Variants in SORCS3 observed in about 807,000 individuals in gnomAD.
SORCS3 encodes VPS10 domain-containing receptor SorCS3.
Under a neutral mutation model 146.3 loss-of-function variants are expected in SORCS3, and 57 were observed. The observed-to-expected ratio is 0.39, with a 90% CI of 0.31 to 0.49. The LOEUF is 0.49. Among genes scored for constraint, SORCS3 ranks in the 20% least tolerant of loss-of-function variants. The pLI is 0.92. For synonymous variants in SORCS3, 653 were observed against 618.5 expected (o/e 1.06, Z -0.83); for missense variants, 1,341 against 1,575.5 (o/e 0.85, Z 2.52).
intron 3 of SORCS3, among the ~76,000 whole-genome samples, chr10:104,916,698 G>A (rs1321701377): frequency 2.0e-5 from 3 of 152,044 alleles, no homozygotes; most frequent in Non-Finnish European, 4.4e-5. Context: ...AGAAACGTAG[G>A]CAGACATGAT....
rs2055349348 is a variant in SORCS3 at position 105,043,182 on chromosome 10, G to GT, written c.1028+55dup. The stretch of plus-strand genomic sequence containing the variant: ...CTTAGATAAAGAATTATCAAACAGC[G>GT]TAGCACTCTAGACAGCTCTGGACAG... On this transcript the variant is annotated intron_variant, in intron 5 of 26. Transcript: ENST00000369701. The GT allele has an allele frequency of 1.3e-5, 19 of 1,490,474 alleles. No homozygotes were observed. In the South Asian group the frequency reaches 2.1e-4, roughly 17 times the overall value. The allele number at this position is 1,490,474 out of a possible 1,614,324, so 92.3% of individuals were successfully genotyped here.
chr10:104,980,043 C>A (rs1040953114), intron 4 of SORCS3, among the ~76,000 whole-genome samples: 3 of 152,166 alleles, frequency 2.0e-5, no homozygotes, highest in Non-Finnish European at 4.4e-5. Flanking sequence ...CCTCCATCTC[C>A]ACAGCACTGA....
chr10:104,653,453 C>G (rs1201102626), intron 1 of SORCS3, among the ~76,000 whole-genome samples: 1 of 152,032 alleles, frequency 6.6e-6, no homozygotes, highest in African/African-American at 2.4e-5. Context: ...GGATCCCATT[C>G]CTCTGTTGTG....
intron 14 of SORCS3, among the ~76,000 whole-genome samples, chr10:105,184,412 G>A (rs562245834): frequency 5.3e-5 from 8 of 152,146 alleles, no homozygotes; most frequent in Non-Finnish European, 1.2e-4. Flanking sequence ...CTTGTGGGCC[G>A]TCCAAACCAT....
rs1266082135 is a variant in SORCS3, at chr10:104,684,793, T to G, written c.627+42839T>G. 1.7e-3 allele frequency among the ~76,000 whole-genome samples: 10 copies of G among 5,928 alleles called. No homozygotes were observed. The South Asian group carries it at 0.018, about 10-fold the overall frequency. 3.9% of individuals were successfully genotyped at this position (5,928 alleles called of 152,430 possible). A position where few individuals can be genotyped will look rare whatever the true frequency, so the allele number is the denominator to read the frequency against. ...AAGTCCTCAGTGTTTTTTTTTTTTTTTTTTTTTTTTTTTTTTTTTTTTTTT... is the reference window on the plus strand; with the variant it reads ...AAGTCCTCAGTGTTTTTTTTTTTTTGTTTTTTTTTTTTTTTTTTTTTTTTT... On this transcript the variant is annotated intron_variant, in intron 1 of 26. Transcript: ENST00000369701.
At chr10:105,018,147 C>T (rs2055178373) in intron 4 of SORCS3, among the ~76,000 whole-genome samples, 1 of 152,194 alleles carries the variant, frequency 6.6e-6, no homozygotes. Flanking sequence ...GCCAGTGTTG[C>T]TGTCTTGTTT....
chr10:105,057,067 G>A (rs1185811353), intron 5 of SORCS3, among the ~76,000 whole-genome samples: 1 of 152,182 alleles, frequency 6.6e-6, no homozygotes, highest in Non-Finnish European at 1.5e-5. Flanking sequence ...TTATAGAAAA[G>A]TTAGAGTGGG....
intron 1 of SORCS3, among the ~76,000 whole-genome samples, chr10:104,718,901 A>G (rs181862504): frequency 6.6e-6 from 1 of 152,354 alleles, no homozygotes; most frequent in Admixed American, 6.5e-5. Flanking sequence ...TCATAAAAAT[A>G]AAGAAGGGAA....
chr10:104,919,742 C>T (rs2019068585), intron 3 of SORCS3, among the ~76,000 whole-genome samples: 1 of 152,010 alleles, frequency 6.6e-6, no homozygotes, highest in Non-Finnish European at 1.5e-5. Flanking sequence ...ATCTAAAGTG[C>T]TTTCCTCATC....
chr10:104,746,087 T>C (rs984902294), intron 1 of SORCS3, among the ~76,000 whole-genome samples: 4 of 151,994 alleles, frequency 2.6e-5, no homozygotes, highest in African/African-American at 7.2e-5. Flanking sequence ...AATTGACAAA[T>C]AATAATTGTA....
intron 1 of SORCS3, among the ~76,000 whole-genome samples, chr10:104,829,467 G>A (rs983247667): frequency 3.9e-5 from 6 of 152,098 alleles, no homozygotes; most frequent in East Asian, 1.9e-4. Flanking sequence ...GGAAAGGTAC[G>A]GGAAAGTTGA....
intron 1 of SORCS3, among the ~76,000 whole-genome samples, chr10:104,683,336 C>T (rs1432591821): frequency 2.0e-5 from 3 of 152,218 alleles, no homozygotes; most frequent in African/African-American, 7.2e-5. Flanking sequence ...GTGCCCAAGA[C>T]TCCACGTACT....
intron 5 of SORCS3, among the ~76,000 whole-genome samples, chr10:105,089,283 A>G (rs1220466348): frequency 2.0e-5 from 3 of 152,198 alleles, no homozygotes; most frequent in Non-Finnish European, 1.5e-5. Context: ...TAAACTCAGG[A>G]AGGAAGGAAT....
intron 2 of SORCS3, among the ~76,000 whole-genome samples, chr10:104,855,857 T>C (rs1280956494): frequency 6.6e-6 from 1 of 152,062 alleles, no homozygotes; most frequent in Non-Finnish European, 1.5e-5. Context: ...TTCCTCAGCC[T>C]CCTGAGTAGC....
chr10:105,042,908 C>A, intron 4 of SORCS3, 147 bp from the exon 5 acceptor site: 1 of 671,474 alleles, frequency 1.5e-6, no homozygotes, highest in Non-Finnish European at 2.7e-6. Flanking sequence ...GATAAGCAGT[C>A]ATATTCCTAC....
chr10:104,945,637 G>A (rs1000661237), intron 3 of SORCS3, among the ~76,000 whole-genome samples: 1 of 150,538 alleles, frequency 6.6e-6, no homozygotes, highest in Non-Finnish European at 1.5e-5. Context: ...AGTTTATCAA[G>A]CTGTACCATT....
intron 1 of SORCS3, among the ~76,000 whole-genome samples, chr10:104,679,864 A>G (rs950975734): frequency 1.3e-5 from 2 of 152,234 alleles, no homozygotes; most frequent in Non-Finnish European, 2.9e-5. Flanking sequence ...CAGTGTATCA[A>G]GATCCAACAC....
rs550986188 is a variant in SORCS3, at chr10:105,008,751, A to G, written c.954+31258A>G. Among the ~76,000 whole-genome samples the G allele has an allele frequency of 8.6e-4, 131 of 152,284 alleles. 1 individual carries two copies. Among genetic ancestry groups the G allele is most frequent in the African/African-American group, 2.8e-3 (117 of 41,548 alleles). On this transcript the variant is annotated intron_variant, in intron 4 of 26. Transcript: ENST00000369701. ...AACCTCCCCCTCGGGGGTTCAAGCA[A>G]TTCTCCTGCCTCAGCCTCCTGAGTA...
At chr10:105,235,320 A>G (rs2056786945) in intron 20 of SORCS3, among the ~76,000 whole-genome samples, 1 of 151,816 alleles carries the variant, frequency 6.6e-6, no homozygotes. Flanking sequence ...CCCTGATATA[A>G]CCATATGGGC....
Sources: allele counts gnomAD v4.1 joint callset (sites outside exome capture counted in the v4.1 genomes callset), GRCh38; gene constraint gnomAD v4.1.1; transcripts MANE v1.5; gene names NCBI Gene and HGNC (gene_info 2026-07-23, HGNC 2026-07-21).